Variants in UTP20 observed in about 807,000 individuals in gnomAD.
UTP20 encodes the protein UTP20 small subunit processome component.
UTP20 carries 164 observed loss-of-function variants against 329.5 expected under a neutral mutation model. The observed-to-expected ratio is 0.50, with a 90% CI of 0.44 to 0.57. The LOEUF (loss-of-function observed/expected upper bound fraction) is 0.57. Among genes scored for constraint, UTP20 ranks in the 20% least tolerant of loss-of-function variants. The pLI is 0.00. For synonymous variants in UTP20, 1,151 were observed against 1,159.3 expected (o/e 0.99, Z 0.14); for missense variants, 3,055 against 3,284.2 (o/e 0.93, Z 1.71).
intron 46 of UTP20, 96 bp from the exon 47 acceptor site, chr12:101,366,462 G>T: frequency 1.4e-6 from 2 of 1,465,596 alleles, no homozygotes; most frequent in South Asian, 1.3e-5. Context: ...ACATTATTTA[G>T]TGCTGGGCTC....
At chr12:101,381,238 A>G (rs200855804) in intron 58 of UTP20, 27 bp downstream of exon 58, 414 of 1,594,814 alleles carry the variant, frequency 2.6e-4, no homozygotes, top group Non-Finnish European at 3.4e-4. Context: ...TCCCAGTTTA[A>G]AAGAAGGGGC....
intron 2 of UTP20, among the ~76,000 whole-genome samples, chr12:101,285,329 A>G (rs1337690532): frequency 1.3e-5 from 2 of 152,226 alleles, no homozygotes; most frequent in Non-Finnish European, 2.9e-5. Context: ...GACAATATAT[A>G]TAGGCCCCAG....
chr12:101,321,803 G>A (rs1565793360), intron 25 of UTP20, among the ~76,000 whole-genome samples, 174 bp downstream of exon 25: 1 of 152,176 alleles, frequency 6.6e-6, no homozygotes, highest in South Asian at 2.1e-4. Flanking sequence ...GGAGTGCAGT[G>A]GCATGATCAC....
chr12:101,382,374 G>C (rs1305269007), intron 58 of UTP20, among the ~76,000 whole-genome samples: 1 of 152,076 alleles, frequency 6.6e-6, no homozygotes, highest in African/African-American at 2.4e-5. Flanking sequence ...CTCCAGCCTG[G>C]GTAACAAAGT....
intron 43 of UTP20, among the ~76,000 whole-genome samples, chr12:101,360,712 C>CCA (rs1869882810): frequency 6.6e-6 from 1 of 152,020 alleles, no homozygotes; most frequent in Non-Finnish European, 1.5e-5. Flanking sequence ...GCCTGTAATC[C>CCA]CAGCTACTCG....
At chr12:101,289,540 C>A (rs1357035237) in intron 6 of UTP20, among the ~76,000 whole-genome samples, 1 of 152,054 alleles carries the variant, frequency 6.6e-6, no homozygotes, top group African/African-American at 2.4e-5. Flanking sequence ...GAATTTATCT[C>A]ACAGTAAGAC....
At chr12:101,324,451 T>C (rs1868489589) in intron 25 of UTP20, among the ~76,000 whole-genome samples, 1 of 152,028 alleles carries the variant, frequency 6.6e-6, no homozygotes. Context: ...CTGAAAATTT[T>C]TGTATTTTTT....
intron 51 of UTP20, 54 bp from the exon 52 acceptor site, chr12:101,372,830 C>A: frequency 6.9e-7 from 1 of 1,451,764 alleles, no homozygotes; most frequent in Non-Finnish European, 9.7e-7. Context: ...GCTTAGGAAA[C>A]AGGAATACTA....
intron 26 of UTP20, among the ~76,000 whole-genome samples, chr12:101,328,291 C>T (rs1230264945): frequency 6.6e-6 from 1 of 152,122 alleles, no homozygotes; most frequent in Non-Finnish European, 1.5e-5. Flanking sequence ...TTATGGATGG[C>T]CCGTTTGGGT....
intron 38 of UTP20, among the ~76,000 whole-genome samples, chr12:101,349,447 C>CT (rs1869445509): frequency 2.0e-5 from 3 of 149,338 alleles, no homozygotes; most frequent in Non-Finnish European, 4.4e-5. Flanking sequence ...GAATTTCACT[C>CT]TGTCACCCAG....
At chr12:101,331,465 C>T (rs1325330635) in intron 27 of UTP20, among the ~76,000 whole-genome samples, 1 of 152,200 alleles carries the variant, frequency 6.6e-6, no homozygotes, top group Non-Finnish European at 1.5e-5. Context: ...AACTACATCA[C>T]CTTGTGCTTG....
chr12:101,352,983 C>A (rs1869587097), intron 39 of UTP20, 64 bp from the exon 40 acceptor site: 1 of 1,014,908 alleles, frequency 9.9e-7, no homozygotes. Context: ...AATTTCCTCT[C>A]CTTTTATAAT....
rs775347039 is a variant in UTP20, at chr12:101,342,403, A to G, written c.4102-43A>G. 6 of 1,537,740 alleles carry G rather than the reference A, an allele frequency of 3.9e-6. No homozygotes were observed. In the African/African-American group the frequency reaches 5.5e-5, roughly 14 times the overall value. ...TATTAAAGTATAAGTTGACCAGTTT[A>G]TAACTTACTGAAATATGATTTCTCT... On this transcript the variant is annotated intron_variant, in intron 32 of 61. Transcript: ENST00000261637.
intron 32 of UTP20, among the ~76,000 whole-genome samples, chr12:101,341,142 G>GT (rs897036772): frequency 6.6e-6 from 1 of 151,468 alleles, no homozygotes; most frequent in African/African-American, 2.4e-5. Context: ...CGCCCAGCTA[G>GT]TTTTTTTGTA....
rs1868996335 is a variant in UTP20 at position 101,338,194 on chromosome 12, T to C, written c.3785T>C (p.Leu1262Pro). ...VMDIVDDLLN[L>P]PDFEPTETVL... The stretch of plus-strand genomic sequence containing the variant: ...GACATAGTTGATGACCTTCTTAACC[T>C]TCCAGATTTCGAGCCTACAGAAACA... The change falls in exon 30 of 62, where the codon CTT becomes CCT. Residue 1262 changes from leucine (L) to proline (P), a missense_variant. Coordinates refer to ENST00000261637, the MANE Select transcript of UTP20 (RefSeq NM_014503.3). 4 of 1,614,162 alleles carry C rather than the reference T, an allele frequency of 2.5e-6. No homozygotes were observed. Among genetic ancestry groups the C allele is most frequent in the Admixed American group, 1.7e-5 (1 of 60,016 alleles).
At position 101,346,599 on chromosome 12, in the gene UTP20, A is replaced by C; in HGVS notation, c.4884+11A>C. Reference sequence around the variant, plus strand: ...GAGAAAATGCTCAAGGTAGGTCATTAGATCTAGAAACCAAGGACCCTCTTC... The same window carrying C: ...GAGAAAATGCTCAAGGTAGGTCATTCGATCTAGAAACCAAGGACCCTCTTC... On this transcript the variant is annotated intron_variant, in intron 38 of 61. Transcript: ENST00000261637. 6.4e-7 allele frequency: 1 copy of C among 1,570,598 alleles called. No homozygotes were observed. The highest frequency in any genetic ancestry group is 8.6e-7 in the Non-Finnish European group (1 of 1,162,228).
chr12:101,311,932 A>G, intron 20 of UTP20, 104 bp from the exon 21 acceptor site: 5 of 1,564,742 alleles, frequency 3.2e-6, no homozygotes, highest in Non-Finnish European at 4.3e-6. Flanking sequence ...TGGGAGTGAC[A>G]TTCTTTCCTT....
intron 25 of UTP20, among the ~76,000 whole-genome samples, chr12:101,326,539 C>G (rs1256075255): frequency 7.2e-6 from 1 of 139,386 alleles, no homozygotes; most frequent in Non-Finnish European, 1.5e-5. Context: ...ATGTGTTTTC[C>G]TGAAAATTAG....
At chr12:101,357,993 C>T (rs935379683) in intron 43 of UTP20, among the ~76,000 whole-genome samples, 1 of 152,010 alleles carries the variant, frequency 6.6e-6, no homozygotes, top group African/African-American at 2.4e-5. Flanking sequence ...AGTAAGCAGC[C>T]ATATTACTTG....
Sources: allele counts gnomAD v4.1 joint callset (sites outside exome capture counted in the v4.1 genomes callset), GRCh38; gene constraint gnomAD v4.1.1; transcripts MANE v1.5; gene names NCBI Gene and HGNC (gene_info 2026-07-23, HGNC 2026-07-21).